The following MGST3 variants were observed in gnomAD, a reference collection of about 807,000 sequenced individuals.
MGST3 encodes the protein microsomal glutathione S-transferase 3.
A neutral mutation model predicts 15.8 loss-of-function variants in MGST3; 13 were observed. The ratio of observed to expected loss-of-function variants is 0.82; its 90% confidence interval spans 0.54 to 1.31. The LOEUF is 1.31. Ranked by LOEUF, MGST3 falls within the 50% of genes most tolerant of loss-of-function variation. The probability of loss-of-function intolerance (pLI) is 0.00; values close to 1 mark genes in which losing one functional copy is unlikely to be tolerated. For missense variants in MGST3, 155 were observed against 192.4 expected (o/e 0.81, Z 1.15); for synonymous variants, 49 against 68.1 (o/e 0.72, Z 1.38).
intron 1 of MGST3, among the ~76,000 whole-genome samples, chr1:165,638,943 C>A (rs75792549): frequency 0.078 from 11,841 of 152,016 alleles, 604 homozygotes; most frequent in Non-Finnish European, 0.11. Flanking sequence ...GCAAGGATGT[C>A]GGCACTTGCC....
chr1:165,641,730 C>G (rs1302538510), intron 1 of MGST3, among the ~76,000 whole-genome samples: 1 of 152,092 alleles, frequency 6.6e-6, no homozygotes, highest in Non-Finnish European at 1.5e-5. Flanking sequence ...CTTGCAGGGG[C>G]TATGTATGAA....
At position 165,652,030 on chromosome 1, in the gene MGST3, C is replaced by T. The variant is rs201765964; in HGVS notation, c.244C>T (p.His82Tyr). ...LFFLAVGGVY[H>Y]PRIASGLGLA... ...TTTTCTAGCTGTTGGAGGTGTTTAC[C>T]ACCCGGTAAGTTTTCCAGGAGGTGT... The change falls in exon 4 of 6, where the codon CAC becomes TAC. Residue 82 changes from histidine to tyrosine, a missense_variant. Coordinates refer to ENST00000367889, the MANE Select transcript of MGST3 (RefSeq NM_004528.4). 209 of 1,612,188 alleles carry T rather than the reference C, an allele frequency of 1.3e-4. 1 individual carries two copies. The highest frequency in any genetic ancestry group is 1.7e-4 in the Non-Finnish European group (195 of 1,178,636).
intron 4 of MGST3, among the ~76,000 whole-genome samples, chr1:165,653,004 G>T (rs1241021522): frequency 6.6e-6 from 1 of 152,116 alleles, no homozygotes; most frequent in East Asian, 1.9e-4. Flanking sequence ...TCAGACTTCT[G>T]GTTCTAAGCC....
At chr1:165,640,898 A>G (rs1648245633) in intron 1 of MGST3, among the ~76,000 whole-genome samples, 1 of 152,152 alleles carries the variant, frequency 6.6e-6, no homozygotes, top group Non-Finnish European at 1.5e-5. Flanking sequence ...TTTCCCCAGA[A>G]GAGTTCCCAT....
intron 1 of MGST3, among the ~76,000 whole-genome samples, chr1:165,633,482 T>A (rs190412633): frequency 3.8e-4 from 58 of 152,336 alleles, no homozygotes; most frequent in African/African-American, 1.1e-3. Flanking sequence ...TTAATTTTTT[T>A]ATTTTTTTAT....
chr1:165,647,766 A>G (rs919806968), intron 1 of MGST3: 2 of 149,798 alleles, frequency 1.3e-5, no homozygotes, highest in African/African-American at 4.9e-5. Flanking sequence ...CTGTTGCCCC[A>G]TGCTGCAGTG....
At chr1:165,634,891 C>A (rs1021580012) in intron 1 of MGST3, among the ~76,000 whole-genome samples, 8 of 149,620 alleles carry the variant, frequency 5.3e-5, no homozygotes, top group African/African-American at 2.0e-4. Context: ...TGGAACATGG[C>A]ATTTAGTAAA....
chr1:165,651,353 CCCA>C, intron 3 of MGST3: 1 of 512,212 alleles, frequency 2.0e-6, no homozygotes, highest in Admixed American at 3.2e-5. Flanking sequence ...TGCAGCATGA[CCCA>C]TCTAAACCGA....
At chr1:165,651,675 G>T (rs893011256) in intron 3 of MGST3, 3 of 363,002 alleles carry the variant, frequency 8.3e-6, no homozygotes, top group African/African-American at 6.3e-5. Context: ...AGGCCGAGGT[G>T]GGTGGATCAC....
intron 1 of MGST3, chr1:165,647,508 C>T (rs1648434392): frequency 6.6e-6 from 1 of 152,100 alleles, no homozygotes; most frequent in Non-Finnish European, 1.5e-5. Context: ...GCCTCTATTT[C>T]CTTTTCTATA....
At chr1:165,639,962 C>T (rs1396757649) in intron 1 of MGST3, among the ~76,000 whole-genome samples, 1 of 152,144 alleles carries the variant, frequency 6.6e-6, no homozygotes, top group Non-Finnish European at 1.5e-5. Flanking sequence ...TTAAATAGGC[C>T]TTTCATTTGA....
intron 1 of MGST3, among the ~76,000 whole-genome samples, 162 bp downstream of exon 1, chr1:165,631,455 C>T (rs1273086219): frequency 6.6e-6 from 1 of 152,222 alleles, no homozygotes; most frequent in African/African-American, 2.4e-5. Context: ...TCTGAATTTC[C>T]ACCCTCTCTG....
chr1:165,631,928 G>A lies in MGST3; in HGVS notation c.-8+635G>A, dbSNP rs1439561536. ...AGCAAGAGACGCCTCTAGGCGGGTG[G>A]GGGACTCTTCAGGTTCTTCCTTGGA... is the stretch of plus-strand genomic sequence containing the variant. On this transcript the variant is annotated intron_variant, in intron 1 of 5. Transcript: ENST00000367889. 3 of 319,768 alleles carry A rather than the reference G, an allele frequency of 9.4e-6. No homozygotes were observed. The East Asian group carries it at 1.6e-4, about 17-fold the overall frequency. The allele number at this position is 319,768 out of a possible 1,614,324, so 19.8% of individuals were successfully genotyped here. A position where few individuals can be genotyped will look rare whatever the true frequency, so the allele number is the denominator to read the frequency against.
intron 1 of MGST3, among the ~76,000 whole-genome samples, chr1:165,638,761 C>CTCTA (rs1372880909): frequency 6.7e-6 from 1 of 148,968 alleles, no homozygotes; most frequent in Non-Finnish European, 1.5e-5. Context: ...CTGCCACTCA[C>CTCTA]TCTAGCCTGT....
chr1:165,654,122 G>T (rs1413865487), intron 4 of MGST3, 157 bp from the exon 5 acceptor site: 3 of 724,900 alleles, frequency 4.1e-6, no homozygotes, highest in Non-Finnish European at 7.5e-6. Flanking sequence ...TTTTCCCGCT[G>T]AAACTAACTT....
At chr1:165,645,016 G>A (rs549527258) in intron 1 of MGST3, among the ~76,000 whole-genome samples, 19 of 152,080 alleles carry the variant, frequency 1.2e-4, no homozygotes, top group South Asian at 2.1e-4. Context: ...TTGCCCTGGC[G>A]TCCCAAAGTG....
chr1:165,653,844 C>T, intron 4 of MGST3: 2 of 266,694 alleles, frequency 7.5e-6, no homozygotes, highest in South Asian at 8.5e-5. Context: ...CATAGAACAG[C>T]AGCTGAGTCT....
chr1:165,643,052 T>C (rs1009946274), intron 1 of MGST3, among the ~76,000 whole-genome samples: 1 of 152,274 alleles, frequency 6.6e-6, no homozygotes. Context: ...ATCTATAATC[T>C]AGCCATCTAG....
intron 1 of MGST3, among the ~76,000 whole-genome samples, chr1:165,635,543 T>C (rs1294255555): frequency 1.3e-5 from 2 of 152,214 alleles, no homozygotes; most frequent in Non-Finnish European, 1.5e-5. Context: ...ATCCTGCTGA[T>C]CTTCCCTCCC....
Sources: gnomAD v4.1 joint callset for allele counts (sites outside exome capture counted in the v4.1 genomes callset) on GRCh38, gnomAD v4.1.1 for gene constraint, MANE v1.5 for transcripts, NCBI Gene and HGNC (gene_info 2026-07-23, HGNC 2026-07-21) for gene names.